Variants in TMPRSS7 observed in about 807,000 individuals in gnomAD.
TMPRSS7 encodes transmembrane serine protease 7, also known as transmembrane protease serine 7.
Under a neutral mutation model 95.6 loss-of-function variants are expected in TMPRSS7, and 81 were observed. The ratio of observed to expected loss-of-function variants is 0.85; its 90% CI spans 0.71 to 1.02. TMPRSS7 has a LOEUF of 1.02. Ranked by LOEUF, TMPRSS7 falls within the 50% of genes least tolerant of loss-of-function variation. The probability of loss-of-function intolerance (pLI) is 0.00; values close to 1 mark genes in which losing one functional copy is unlikely to be tolerated. For missense variants in TMPRSS7, 945 were observed against 955.2 expected (o/e 0.99, Z 0.14); for synonymous variants, 364 against 337.8 (o/e 1.08, Z -0.85).
intron 9 of TMPRSS7, among the ~76,000 whole-genome samples, chr3:112,056,047 A>G (rs1166729195): frequency 6.6e-6 from 1 of 152,178 alleles, no homozygotes; most frequent in African/African-American, 2.4e-5. Flanking sequence ...TTTTACAAAA[A>G]AAGTAAAAAA....
At chr3:112,062,647 C>T (rs1283011292) in intron 11 of TMPRSS7, among the ~76,000 whole-genome samples, 2 of 152,158 alleles carry the variant, frequency 1.3e-5, no homozygotes, top group Admixed American at 6.5e-5. Context: ...AATATTACAT[C>T]CTGAATTACA....
rs770731353 is a variant in TMPRSS7, at chr3:112,077,161, A to T, written c.2224+17A>T. Reference sequence around the variant, plus strand: ...ACGAAGCAGGTGTGTGTATGAATGAATGGTCATGCCCTTCCCCTGCAGAGG... The same window carrying T: ...ACGAAGCAGGTGTGTGTATGAATGATTGGTCATGCCCTTCCCCTGCAGAGG... On this transcript the variant is annotated intron_variant, in intron 16 of 17. Transcript: ENST00000452346. 6.2e-7 allele frequency: 1 copy of T among 1,611,378 alleles called. No homozygotes were observed. Among genetic ancestry groups the T allele is most frequent in the Non-Finnish European group, 8.5e-7 (1 of 1,178,424 alleles).
intron 10 of TMPRSS7, among the ~76,000 whole-genome samples, chr3:112,061,557 A>G (rs550816319): frequency 2.6e-4 from 39 of 152,372 alleles, no homozygotes; most frequent in Non-Finnish European, 4.1e-4. Flanking sequence ...GAGGAAAGCA[A>G]CAGGTCAATG....
chr3:112,067,996 T>C (rs1425637392), intron 13 of TMPRSS7, among the ~76,000 whole-genome samples: 1 of 152,212 alleles, frequency 6.6e-6, no homozygotes, highest in Non-Finnish European at 1.5e-5. Context: ...CCATCTGGAA[T>C]TAATTTTTGT....
At chr3:112,049,254 G>A (rs537674341) in intron 7 of TMPRSS7, among the ~76,000 whole-genome samples, 87 of 152,266 alleles carry the variant, frequency 5.7e-4, no homozygotes, top group African/African-American at 2.0e-3. Flanking sequence ...CTTTGTAACT[G>A]GGCCCTTGAG....
intron 12 of TMPRSS7, among the ~76,000 whole-genome samples, chr3:112,065,268 C>T (rs2073561606): frequency 6.6e-6 from 1 of 152,132 alleles, no homozygotes; most frequent in Non-Finnish European, 1.5e-5. Context: ...TCTAAAACTC[C>T]TGACCTCAAG....
chr3:112,071,212 T>G (rs9755713), intron 13 of TMPRSS7, among the ~76,000 whole-genome samples: 4,557 of 152,294 alleles, frequency 0.03, 191 homozygotes, highest in African/African-American at 0.088. Flanking sequence ...TGAAGCTTAG[T>G]TTGGCTGGAT....
chr3:112,043,985 C>G (rs751538101), intron 3 of TMPRSS7, among the ~76,000 whole-genome samples: 1 of 152,156 alleles, frequency 6.6e-6, no homozygotes, highest in Non-Finnish European at 1.5e-5. Context: ...GGGGAGAATA[C>G]AGAAGTTAAG....
At chr3:112,078,785 C>T (rs1353276489) in exon 17 of TMPRSS7, 1 of 1,614,214 alleles carries the variant, frequency 6.2e-7, no homozygotes, top group Non-Finnish European at 8.5e-7. Context: ...AGGTAGAGCT[C>T]ATTGATCAAA....
chr3:112,073,855 C>T (rs2073681451), intron 13 of TMPRSS7, among the ~76,000 whole-genome samples: 1 of 152,168 alleles, frequency 6.6e-6, no homozygotes, highest in Non-Finnish European at 1.5e-5. Context: ...AGAAACAAAC[C>T]TCCAAGGTTG....
intron 10 of TMPRSS7, among the ~76,000 whole-genome samples, chr3:112,057,627 C>T (rs545109155): frequency 1.8e-4 from 28 of 152,330 alleles, no homozygotes; most frequent in African/African-American, 6.7e-4. Context: ...CTCACTCTCA[C>T]TCTTAATTTG....
At chr3:112,050,827 AT>A (rs139528203) in intron 9 of TMPRSS7, 44 bp downstream of exon 9, 2 of 935,186 alleles carry the variant, frequency 2.1e-6, no homozygotes, top group Non-Finnish European at 3.3e-6. Flanking sequence ...TTACTGCTCT[AT>A]TTTTAATAGC....
Position 112,068,048 on chromosome 3 carries a change from G to A in TMPRSS7, c.1666+1546G>A, listed in dbSNP as rs117584669. Among the ~76,000 whole-genome samples, 14 of 151,130 alleles carry A rather than the reference G, an allele frequency of 9.3e-5. No homozygotes were observed. The East Asian group carries it at 2.7e-3, about 29-fold the overall frequency. On this transcript the variant is annotated intron_variant, in intron 13 of 17. Transcript: ENST00000452346. ...GGATCCACTTTCAGCTTTCTGCATAGCCAGTTTTTCCAGCACCATTTATTA... is the reference window on the plus strand; with the variant it reads ...GGATCCACTTTCAGCTTTCTGCATAACCAGTTTTTCCAGCACCATTTATTA...
chr3:112,055,440 C>A (rs1483940969), intron 9 of TMPRSS7, among the ~76,000 whole-genome samples: 3 of 126,880 alleles, frequency 2.4e-5, no homozygotes, highest in African/African-American at 7.9e-5. Flanking sequence ...TGGAAACAAG[C>A]AAACACTTGC....
chr3:112,071,922 T>C (rs1190179391), intron 13 of TMPRSS7, among the ~76,000 whole-genome samples: 1 of 152,218 alleles, frequency 6.6e-6, no homozygotes, highest in Non-Finnish European at 1.5e-5. Context: ...AGTTTGTTAT[T>C]ACCTACCTTC....
At chr3:112,035,220 A>C (rs1353607161) in intron 1 of TMPRSS7, among the ~76,000 whole-genome samples, 1 of 152,196 alleles carries the variant, frequency 6.6e-6, no homozygotes, top group Non-Finnish European at 1.5e-5. Context: ...TGTCAGTTCA[A>C]CATGTACTGG....
At chr3:112,040,418 T>G (rs2073193645) in intron 2 of TMPRSS7, among the ~76,000 whole-genome samples, 1 of 152,200 alleles carries the variant, frequency 6.6e-6, no homozygotes, top group Non-Finnish European at 1.5e-5. Context: ...AGAGAAGGGT[T>G]CATGAACTGG....
intron 6 of TMPRSS7, chr3:112,047,303 A>G (rs2073291194): frequency 6.6e-6 from 4 of 609,816 alleles, no homozygotes; most frequent in Non-Finnish European, 9.1e-6. Context: ...GTGCTCTTCC[A>G]CTGTATTTGT....
At chr3:112,048,533 A>C (rs1000860744) in intron 7 of TMPRSS7, among the ~76,000 whole-genome samples, 6 of 152,196 alleles carry the variant, frequency 3.9e-5, no homozygotes, top group African/African-American at 1.4e-4. Context: ...TTAATAGTAG[A>C]TATTTATTTA....
Sources: gnomAD v4.1 joint callset for allele counts (sites outside exome capture counted in the v4.1 genomes callset) on GRCh38, gnomAD v4.1.1 for gene constraint, MANE v1.5 for transcripts, NCBI Gene and HGNC (gene_info 2026-07-23, HGNC 2026-07-21) for gene names.